Variants in HLA-DPB1 observed in about 807,000 individuals in gnomAD.
The protein encoded by HLA-DPB1 is HLA class II histocompatibility antigen, DP beta 1 chain.
HLA-DPB1 carries 30 observed loss-of-function variants against 29.4 expected under a neutral mutation model. The observed-to-expected ratio is 1.02, with a 90% CI of 0.76 to 1.38. HLA-DPB1 has a LOEUF of 1.38. Ranked by LOEUF, HLA-DPB1 falls within the 40% of genes most tolerant of loss-of-function variation. The pLI is 0.00. For synonymous variants in HLA-DPB1, 114 were observed against 134.0 expected (o/e 0.85, Z 1.03); for missense variants, 261 against 327.5 (o/e 0.80, Z 1.57).
chr6:33,081,160 C>G (rs7770501), intron 2 of HLA-DPB1: 87,004 of 551,524 alleles, frequency 0.16, 11,191 homozygotes, highest in East Asian at 0.45. Flanking sequence ...GAGAGACCCC[C>G]GGGACTTCAT....
intron 4 of HLA-DPB1, 88 bp downstream of exon 4, chr6:33,085,977 T>C: frequency 1.1e-6 from 1 of 936,964 alleles, no homozygotes; most frequent in Non-Finnish European, 1.6e-6. Context: ...AGAAAAGAAA[T>C]GTCAGAAAGC....
At chr6:33,076,411 T>A (rs2071352) in intron 1 of HLA-DPB1, among the ~76,000 whole-genome samples, 29,899 of 152,068 alleles carry the variant, frequency 0.2, 3,602 homozygotes, top group African/African-American at 0.33. Flanking sequence ...CAAGAGGTCC[T>A]GGATAACCTT....
rs9277546 is a variant in HLA-DPB1 at position 33,087,569 on chromosome 6, T to G, written c.*1035T>G. On this transcript the variant is annotated 3_prime_UTR_variant, in exon 6 of 6. Coordinates refer to ENST00000418931, the MANE Select transcript of HLA-DPB1 (RefSeq NM_002121.6). The stretch of plus-strand genomic sequence containing the variant: ...CACAATCAGTGCACAGCAGCTCTCT[T>G]ATACATCCAGTTGATGCCTTCAGTC... Among the ~76,000 whole-genome samples the G allele has an allele frequency of 0.38, 58,060 of 151,804 alleles. 12,608 individuals carry two copies. The highest frequency in any genetic ancestry group is 0.64 in the East Asian group (3,293 of 5,162).
Position 33,080,602 on chromosome 6 carries a change from T to G in HLA-DPB1, c.101-70T>G. The G allele has an allele frequency of 6.3e-7, 1 of 1,593,944 alleles. No individual in the cohort carries two copies. Among genetic ancestry groups the G allele is most frequent in the South Asian group, 1.1e-5 (1 of 90,556 alleles). On this transcript the variant is annotated intron_variant, in intron 1 of 5. Transcript: ENST00000418931. The surrounding 1 kb of genome is among the most constrained non-coding windows in gnomAD (Gnocchi z 4.3). ...AAGATTTGGGAAGAATCGTTAATAT[T>G]GAGAGAGAGAGGGAGAAAGAGGATT...
chr6:33,076,252 A>C (rs1301368755), intron 1 of HLA-DPB1, 111 bp downstream of exon 1: 2 of 708,016 alleles, frequency 2.8e-6, no homozygotes, highest in South Asian at 3.5e-5. Context: ...TCCTGCCCTA[A>C]GGCAGTGTCC....
intron 5 of HLA-DPB1, 131 bp downstream of exon 5, chr6:33,086,373 TCA>T (rs1763104577): frequency 2.5e-6 from 2 of 814,064 alleles, no homozygotes; most frequent in East Asian, 2.5e-5. Flanking sequence ...ATGTCAGCCT[TCA>T]GGCAAGTGGG....
Position 33,084,817 on chromosome 6 carries a change from A to G in HLA-DPB1, c.365-133A>G, listed in dbSNP as rs1162055282. On this transcript the variant is annotated intron_variant, in intron 2 of 5. Transcript: ENST00000418931. ...CCATCTCAACAAAAAGAAAGAATGA[A>G]AGAAAGAAAGAGCGAGATTATGTCT... 3.1e-6 allele frequency: 2 copies of G among 640,828 alleles called. 1 individual carries two copies. The highest frequency in any genetic ancestry group is 8.7e-5 in the African/African-American group (2 of 23,108). 39.7% of individuals were successfully genotyped at this position (640,828 alleles called of 1,614,324 possible). A position where few individuals can be genotyped will look rare whatever the true frequency, so the allele number is the denominator to read the frequency against.
At chr6:33,077,688 C>A (rs1178855197) in intron 1 of HLA-DPB1, among the ~76,000 whole-genome samples, 1 of 152,160 alleles carries the variant, frequency 6.6e-6, no homozygotes, top group East Asian at 1.9e-4. Context: ...GGAAGGACTG[C>A]AAAGTAGGTA....
intron 2 of HLA-DPB1, among the ~76,000 whole-genome samples, chr6:33,083,150 A>T (rs989947021): frequency 6.6e-6 from 1 of 152,236 alleles, no homozygotes; most frequent in Non-Finnish European, 1.5e-5. Context: ...CCCCTGAAAT[A>T]AACTCACATT....
chr6:33,086,845 A>G lies in HLA-DPB1; in HGVS notation c.*311A>G. ...CTTTTCTCTGAGGGTTTTAGTAGAC[A>G]GTAGGAGTTAATAAAGAAGTTCATT... On this transcript the variant is annotated 3_prime_UTR_variant, in exon 6 of 6. Transcript: ENST00000418931. 2 of 309,138 alleles carry G rather than the reference A, an allele frequency of 6.5e-6. No homozygotes were observed. Among genetic ancestry groups the G allele is most frequent in the South Asian group, 5.9e-5 (2 of 34,162 alleles). The allele number at this position is 309,138 out of a possible 1,614,324, so 19.1% of individuals were successfully genotyped here.
rs567910044 is a variant in HLA-DPB1 at position 33,087,951 on chromosome 6, C to A, written c.*1417C>A. Among the ~76,000 whole-genome samples, 2 of 152,262 alleles carry A rather than the reference C, an allele frequency of 1.3e-5. No homozygotes were observed. Among genetic ancestry groups the A allele is most frequent in the Middle Eastern group, 6.8e-3 (2 of 294 alleles). ...TTTTTAAAACATCTTTATCCCTGAT[C>A]AGCCTCATTTCCTCAAAAACTATAA... On this transcript the variant is annotated 3_prime_UTR_variant, in exon 6 of 6. Transcript: ENST00000418931.
At chr6:33,086,389 AG>A in intron 5 of HLA-DPB1, 147 bp downstream of exon 5, 2 of 776,914 alleles carry the variant, frequency 2.6e-6, no homozygotes, top group Non-Finnish European at 4.7e-6. Context: ...AAGTGGGGAA[AG>A]AGCATTGCTT....
At chr6:33,081,175 C>A in intron 2 of HLA-DPB1, 1 of 531,462 alleles carries the variant, frequency 1.9e-6, no homozygotes, top group Non-Finnish European at 3.3e-6. Context: ...CTTCATCAGG[C>A]CTGGCAGCTG....
chr6:33,081,165 C>T, intron 2 of HLA-DPB1: 1 of 545,486 alleles, frequency 1.8e-6, no homozygotes, highest in Non-Finnish European at 3.2e-6. Flanking sequence ...ACCCCCGGGA[C>T]TTCATCAGGC....
intron 4 of HLA-DPB1, 145 bp downstream of exon 4, chr6:33,086,034 T>C: frequency 1.3e-6 from 1 of 769,922 alleles, no homozygotes; most frequent in East Asian, 2.6e-5. Context: ...ACATGACCTA[T>C]AGCGAGAGAG....
At position 33,084,843 on chromosome 6, in the gene HLA-DPB1, C is replaced by CAAAA. The variant is rs111291348; in HGVS notation, c.365-102_365-99dup. 12 of 659,590 alleles carry CAAAA rather than the reference C, an allele frequency of 1.8e-5. No homozygotes were observed. The South Asian group carries it at 2.4e-4, about 13-fold the overall frequency. The allele number at this position is 659,590 out of a possible 1,614,324, so 40.9% of individuals were successfully genotyped here. On this transcript the variant is annotated intron_variant, in intron 2 of 5. Transcript: ENST00000418931. ...AGAAAGAAAGAGCGAGATTATGTCT[C>CAAAA]AAAAAAAAGGAAGGAAGGAAGGAAG...
At chr6:33,085,631 G>A in intron 3 of HLA-DPB1, 148 bp from the exon 4 acceptor site, 1 of 668,324 alleles carries the variant, frequency 1.5e-6, no homozygotes, top group Admixed American at 2.2e-5. Flanking sequence ...ATATGAGGGT[G>A]GCTCTTTCTG....
At position 33,084,551 on chromosome 6, in the gene HLA-DPB1, G is replaced by A. The variant is rs563474431; in HGVS notation, c.365-399G>A. Among the ~76,000 whole-genome samples the A allele has an allele frequency of 3.9e-3, 598 of 152,172 alleles. 7 individuals carry two copies. The highest frequency in any genetic ancestry group is 0.014 in the African/African-American group (578 of 41,490). On this transcript the variant is annotated intron_variant, in intron 2 of 5. Coordinates refer to ENST00000418931, the MANE Select transcript of HLA-DPB1 (RefSeq NM_002121.6). ...CGTAATCCCAGCCCTTTGAGAGGCC[G>A]AGCGGGTGGATCACTTGAGGTCAGG...
At chr6:33,086,384 G>A in intron 5 of HLA-DPB1, 142 bp downstream of exon 5, 1 of 788,904 alleles carries the variant, frequency 1.3e-6, no homozygotes, top group South Asian at 1.4e-5. Flanking sequence ...CAGGCAAGTG[G>A]GGAAAGAGCA....
Sources: gnomAD v4.1 joint callset for allele counts (sites outside exome capture counted in the v4.1 genomes callset) on GRCh38, gnomAD v4.1.1 for gene constraint, Gnocchi (gnomAD v3.1) non-coding constraint, MANE v1.5 for transcripts, NCBI Gene and HGNC (gene_info 2026-07-23, HGNC 2026-07-21) for gene names.